Variants in SNX29 observed in about 807,000 individuals in gnomAD.
SNX29 encodes the protein sorting nexin-29.
A neutral mutation model predicts 102.1 loss-of-function variants in SNX29; 78 were observed. That is an observed-to-expected ratio of 0.76 (90% CI 0.64 to 0.92). SNX29 has a LOEUF of 0.92. Ranked by LOEUF, SNX29 falls within the 40% of genes least tolerant of loss-of-function variation. SNX29 has a pLI of 0.00. For missense variants in SNX29, 1,280 were observed against 1,061.7 expected (o/e 1.21, Z -2.86); for synonymous variants, 580 against 414.5 (o/e 1.40, Z -4.85).
chr16:12,314,836 C>A (rs960385918), intron 15 of SNX29, among the ~76,000 whole-genome samples: 1 of 152,190 alleles, frequency 6.6e-6, no homozygotes, highest in African/African-American at 2.4e-5. Context: ...TGTCCTTGCC[C>A]TTGATAGATT....
intron 15 of SNX29, among the ~76,000 whole-genome samples, chr16:12,331,953 G>A (rs1286864846): frequency 6.6e-6 from 1 of 152,116 alleles, no homozygotes; most frequent in Admixed American, 6.5e-5. Flanking sequence ...CCAGCTACTT[G>A]GGAGGCTGAC....
intron 11 of SNX29, among the ~76,000 whole-genome samples, chr16:12,119,577 A>G (rs1452777324): frequency 6.6e-6 from 1 of 152,242 alleles, no homozygotes; most frequent in East Asian, 1.9e-4. Context: ...AAGGGCCAGA[A>G]TTTAATCACA....
At chr16:12,449,574 C>T (rs534301584) in intron 18 of SNX29, among the ~76,000 whole-genome samples, 5 of 152,292 alleles carry the variant, frequency 3.3e-5, no homozygotes, top group South Asian at 2.1e-4. Context: ...GCTGCAGGCA[C>T]GGGTTGATCA....
chr16:12,360,179 C>T (rs976907149), intron 16 of SNX29, among the ~76,000 whole-genome samples: 2 of 152,176 alleles, frequency 1.3e-5, no homozygotes, highest in African/African-American at 4.8e-5. Context: ...AGTCAGTGTT[C>T]AATATTCTCC....
chr16:11,995,275 AG>A (rs529558549), intron 1 of SNX29, among the ~76,000 whole-genome samples: 7 of 152,266 alleles, frequency 4.6e-5, no homozygotes, highest in Middle Eastern at 3.4e-3. Context: ...CATGTTGGCC[AG>A]GCTGGTCTTG....
chr16:12,287,065 C>A (rs991913090), intron 15 of SNX29, among the ~76,000 whole-genome samples: 1 of 152,202 alleles, frequency 6.6e-6, no homozygotes, highest in African/African-American at 2.4e-5. Context: ...GCTTCCCGAA[C>A]AAGGAACTGG....
intron 3 of SNX29, among the ~76,000 whole-genome samples, chr16:12,013,696 G>A (rs1218662130): frequency 1.3e-5 from 2 of 150,842 alleles, no homozygotes; most frequent in South Asian, 2.1e-4. Flanking sequence ...CCAGCCTGGA[G>A]TGCAGTGGCA....
intron 18 of SNX29, among the ~76,000 whole-genome samples, chr16:12,445,393 G>C (rs913092066): frequency 1.3e-5 from 2 of 152,022 alleles, no homozygotes; most frequent in South Asian, 4.1e-4. Flanking sequence ...TCCATTCTAC[G>C]CTGTTCATTC....
intron 20 of SNX29, chr16:12,527,425 T>C (rs2076816814): frequency 2.3e-6 from 1 of 436,078 alleles, no homozygotes; most frequent in Non-Finnish European, 4.3e-6. Flanking sequence ...TTCTTATAAA[T>C]TTTGACAGAT....
chr16:12,572,199 TTG>T lies in SNX29; in HGVS notation c.*3573_*3574del. ...TTTCTTAGAACCATGGCAGGTAGTA[TTG>T]TGCTTTAAAAACCAGAGGCTCCTGA... On this transcript the variant is annotated 3_prime_UTR_variant, in exon 21 of 21. Transcript: ENST00000566228. 2 of 969,240 alleles carry T rather than the reference TTG, an allele frequency of 2.1e-6. No homozygotes were observed. The highest frequency in any genetic ancestry group is 2.5e-6 in the Non-Finnish European group (2 of 792,760). 60.0% of individuals were successfully genotyped at this position (969,240 alleles called of 1,614,324 possible).
intron 20 of SNX29, among the ~76,000 whole-genome samples, chr16:12,553,999 A>T (rs958697136): frequency 3.3e-5 from 5 of 152,016 alleles, no homozygotes; most frequent in Non-Finnish European, 7.4e-5. Flanking sequence ...TAATTTTTGT[A>T]TTTTTAGTAG....
At chr16:12,505,431 G>GT (rs1487740045) in intron 19 of SNX29, among the ~76,000 whole-genome samples, 3 of 152,116 alleles carry the variant, frequency 2.0e-5, no homozygotes, top group Admixed American at 6.5e-5. Flanking sequence ...GACTATAAAT[G>GT]TGAGAGTTTA....
chr16:12,391,425 T>C (rs1312850882), intron 16 of SNX29, among the ~76,000 whole-genome samples: 4 of 152,216 alleles, frequency 2.6e-5, no homozygotes, highest in Non-Finnish European at 5.9e-5. Flanking sequence ...TCATTTTCTG[T>C]ACAGAGAGTA....
intron 17 of SNX29, among the ~76,000 whole-genome samples, chr16:12,402,936 C>T (rs966847993): frequency 1.3e-5 from 2 of 152,152 alleles, no homozygotes; most frequent in African/African-American, 4.8e-5. Context: ...TGTTGGTCTC[C>T]TGAGCTCGTT....
intron 18 of SNX29, among the ~76,000 whole-genome samples, chr16:12,464,160 C>T (rs1200258484): frequency 1.3e-5 from 2 of 151,252 alleles, no homozygotes; most frequent in East Asian, 4.0e-4. Context: ...ACGATCCCCT[C>T]CAGGTTTATC....
Position 12,551,049 on chromosome 16 carries a change from TGAAG to T in SNX29, c.2319-17452_2319-17449del, listed in dbSNP as rs530284377. On this transcript the variant is annotated intron_variant, in intron 20 of 20. Coordinates refer to ENST00000566228, the MANE Select transcript of SNX29 (RefSeq NM_032167.5). The stretch of plus-strand genomic sequence containing the variant: ...GCTTCTAAACAAGGTGTCATCCAGA[TGAAG>T]GAAGTGGGGTGTTTTCATCTCCATG... 2.6e-3 allele frequency among the ~76,000 whole-genome samples: 397 copies of T among 152,300 alleles called. 1 individual carries two copies. The highest frequency in any genetic ancestry group is 9.4e-3 in the African/African-American group (390 of 41,568).
intron 8 of SNX29, among the ~76,000 whole-genome samples, chr16:12,060,157 A>G (rs1395931062): frequency 1.3e-5 from 2 of 152,204 alleles, no homozygotes; most frequent in African/African-American, 4.8e-5. Flanking sequence ...AAAAAAACCA[A>G]TAAAAATAAT....
At chr16:12,060,099 G>C (rs1486478839) in intron 8 of SNX29, among the ~76,000 whole-genome samples, 2 of 151,976 alleles carry the variant, frequency 1.3e-5, no homozygotes, top group Non-Finnish European at 2.9e-5. Flanking sequence ...GCATCCGTGA[G>C]TTCCGCATCT....
intron 19 of SNX29, among the ~76,000 whole-genome samples, chr16:12,512,369 AATATAT>A (rs58157322): frequency 0.04 from 1,756 of 43,384 alleles, 85 homozygotes; most frequent in Admixed American, 0.049. Context: ...GCCCAGGGAA[AATATAT>A]ATATATATAT....
Sources: gnomAD v4.1 joint callset for allele counts (sites outside exome capture counted in the v4.1 genomes callset) on GRCh38, gnomAD v4.1.1 for gene constraint, MANE v1.5 for transcripts, NCBI Gene and HGNC (gene_info 2026-07-23, HGNC 2026-07-21) for gene names.